The following HOGA1 variants were observed in gnomAD, a reference collection of about 807,000 sequenced individuals.
The protein encoded by HOGA1 is 4-hydroxy-2-oxoglutarate aldolase, mitochondrial.
In HOGA1, 30 loss-of-function variants were observed where a neutral mutation model predicts 34.3. The ratio of observed to expected loss-of-function variants is 0.87; its 90% CI spans 0.65 to 1.19. HOGA1 has a LOEUF of 1.19. HOGA1 is among the 50% of genes most tolerant of loss of function. The pLI is 0.00. For synonymous variants in HOGA1, 161 were observed against 174.0 expected (o/e 0.93, Z 0.59); for missense variants, 417 against 436.5 (o/e 0.96, Z 0.40).
In HOGA1 at chr10:97,589,861, G is replaced by A. The variant is rs1363276622; in HGVS notation, c.211+4947G>A. On this transcript the variant is annotated intron_variant, in intron 1 of 6. Transcript: ENST00000370646. ...TCCAGCAGCCATCATGCAAGGTGGT[G>A]CTGGGGACTGCCCTCTTGCTAGGAG... The A allele has an allele frequency of 2.6e-6, 4 of 1,538,084 alleles. No individual in the cohort carries two copies. The African/African-American group carries it at 4.1e-5, about 16-fold the overall frequency.
chr10:97,590,433 A>G (rs978114324), intron 1 of HOGA1: 2 of 1,613,956 alleles, frequency 1.2e-6, no homozygotes, highest in African/African-American at 2.7e-5. Flanking sequence ...ATGAAGCTGC[A>G]AAAGAATTTC....
chr10:97,586,783 C>T (rs917887430), intron 1 of HOGA1, among the ~76,000 whole-genome samples: 1 of 152,150 alleles, frequency 6.6e-6, no homozygotes, highest in Admixed American at 6.5e-5. Flanking sequence ...CACAGGCTTC[C>T]GTGGATTTAG....
intron 1 of HOGA1, among the ~76,000 whole-genome samples, chr10:97,593,863 G>A (rs886492120): frequency 5.3e-5 from 8 of 151,892 alleles, no homozygotes; most frequent in African/African-American, 1.7e-4. Flanking sequence ...GGGGAACCAT[G>A]GCAGTCAACT....
intron 1 of HOGA1, among the ~76,000 whole-genome samples, chr10:97,586,301 T>C (rs1440473940): frequency 6.6e-6 from 1 of 152,170 alleles, no homozygotes; most frequent in East Asian, 1.9e-4. Flanking sequence ...TGTGGAGTAA[T>C]ATACATTGGA....
Position 97,589,740 on chromosome 10 carries a change from G to T in HOGA1, c.211+4826G>T, listed in dbSNP as rs970456531. 2.3e-5 allele frequency: 15 copies of T among 660,446 alleles called. No homozygotes were observed. In the Admixed American group the frequency reaches 3.4e-4, roughly 15 times the overall value. 40.9% of individuals were successfully genotyped at this position (660,446 alleles called of 1,614,324 possible). A position where few individuals can be genotyped will look rare whatever the true frequency, so the allele number is the denominator to read the frequency against. The stretch of plus-strand genomic sequence containing the variant: ...CCTGTCAGACATCCTTGGGGAGCCT[G>T]CCCTTTCAAGCATGAATCATACCAC... On this transcript the variant is annotated intron_variant, in intron 1 of 6. Transcript: ENST00000370646.
intron 6 of HOGA1, among the ~76,000 whole-genome samples, chr10:97,609,781 T>A (rs1352817418): frequency 6.6e-6 from 1 of 152,166 alleles, no homozygotes; most frequent in Non-Finnish European, 1.5e-5. Context: ...CCATCCTGTA[T>A]CCTGGGTCTT....
chr10:97,602,755 A>G (rs1313375573), intron 6 of HOGA1: 1 of 237,302 alleles, frequency 4.2e-6, no homozygotes, highest in East Asian at 1.8e-4. Flanking sequence ...ATCTCAGCTC[A>G]GTGCAACCTC....
In HOGA1 at chr10:97,584,912, G is replaced by A. The variant is rs267606763; in HGVS notation, c.209G>A (p.Arg70Gln). Residue 70 changes from arginine (R) to glutamine (Q), a missense_variant and splice_region_variant, in exon 1 of 7, where the codon CGA becomes CAA. Physicochemically the swap from Arg to Gln is conservative, Grantham distance 43. Transcript: ENST00000370646. ...CACAAACTGGGCACCTTCCCCTTCC[G>A]AGGTAAGTGGGGCTGTCCTCTGTGG... ...NLHKLGTFPF[R>Q]GFVVQGSNGE... The A allele has an allele frequency of 1.2e-5, 19 of 1,613,820 alleles. No homozygotes were observed. In the Admixed American group the frequency reaches 1.3e-4, roughly 11 times the overall value.
intron 1 of HOGA1, chr10:97,589,893 G>T: frequency 6.2e-7 from 1 of 1,609,728 alleles, no homozygotes; most frequent in Non-Finnish European, 8.5e-7. Flanking sequence ...GGAGGTGGAG[G>T]TCTCATGCTG....
At chr10:97,599,379 G>A (rs1239213683) in intron 3 of HOGA1, 163 bp downstream of exon 3, 7 of 808,754 alleles carry the variant, frequency 8.7e-6, no homozygotes, top group African/African-American at 1.7e-5. Flanking sequence ...TGACCACTCT[G>A]TGTTACTGCT....
intron 1 of HOGA1, among the ~76,000 whole-genome samples, chr10:97,595,254 G>A (rs548553736): frequency 2.1e-4 from 32 of 152,308 alleles, no homozygotes; most frequent in Admixed American, 1.0e-3. Flanking sequence ...AGGTCATTGA[G>A]AGCAGCCTCC....
intron 6 of HOGA1, among the ~76,000 whole-genome samples, chr10:97,610,539 C>G (rs1386638551): frequency 6.6e-6 from 1 of 152,144 alleles, no homozygotes; most frequent in Non-Finnish European, 1.5e-5. Context: ...AATCCTAGCA[C>G]TTTGGGAGGC....
intron 3 of HOGA1, 153 bp downstream of exon 3, chr10:97,599,369 T>A: frequency 1.1e-6 from 1 of 882,216 alleles, no homozygotes; most frequent in Non-Finnish European, 1.8e-6. Context: ...GAGGCTTACC[T>A]GACCACTCTG....
rs144493250 is a variant in HOGA1, at chr10:97,588,031, C to T, written c.211+3117C>T. 5.5e-3 allele frequency among the ~76,000 whole-genome samples: 841 copies of T among 151,900 alleles called. 3 individuals are homozygous for T. The highest frequency in any genetic ancestry group is 0.021 in the South Asian group (99 of 4,796). On this transcript the variant is annotated intron_variant, in intron 1 of 6. Transcript: ENST00000370646. ...TTTGCCGTGTTGCCCAGGCTGATCT[C>T]GAATTCCTGAGCTCAAGTGATCTGC...
chr10:97,599,257 G>C, intron 3 of HOGA1, 41 bp downstream of exon 3: 1 of 1,612,866 alleles, frequency 6.2e-7, no homozygotes, highest in Non-Finnish European at 8.5e-7. Context: ...CTCTGCCCAG[G>C]GAGAGGAGAT....
intron 1 of HOGA1, among the ~76,000 whole-genome samples, chr10:97,595,545 A>C (rs2041062597): frequency 6.6e-6 from 1 of 152,054 alleles, no homozygotes; most frequent in Non-Finnish European, 1.5e-5. Context: ...AAAATACAAA[A>C]ATTAGCCGGC....
chr10:97,605,094 G>A (rs2041146893), intron 6 of HOGA1, among the ~76,000 whole-genome samples: 1 of 152,136 alleles, frequency 6.6e-6, no homozygotes, highest in Admixed American at 6.5e-5. Context: ...GGGTCATAGG[G>A]TAGTGGTATG....
chr10:97,585,002 G>T, intron 1 of HOGA1, 88 bp downstream of exon 1: 6 of 1,083,918 alleles, frequency 5.5e-6, no homozygotes, highest in Non-Finnish European at 5.6e-6. Context: ...GCTCTGTCAA[G>T]CTGTCCAGGG....
chr10:97,606,717 T>A (rs1469353291), intron 6 of HOGA1, among the ~76,000 whole-genome samples: 1 of 152,212 alleles, frequency 6.6e-6, no homozygotes, highest in East Asian at 1.9e-4. Flanking sequence ...CCTTCAAAAT[T>A]GTTTTAGTCT....
Sources: gnomAD v4.1 joint callset for allele counts (sites outside exome capture counted in the v4.1 genomes callset) on GRCh38, gnomAD v4.1.1 for gene constraint, MANE v1.5 for transcripts, NCBI Gene and HGNC (gene_info 2026-07-23, HGNC 2026-07-21) for gene names.